Variants in ZNF827 observed in about 807,000 individuals in gnomAD.
The protein encoded by ZNF827 is zinc finger protein 827.
In ZNF827, 13 loss-of-function variants were observed where a neutral mutation model predicts 102.4. The observed-to-expected ratio is 0.13, with a 90% CI of 0.08 to 0.20. The LOEUF (loss-of-function observed/expected upper bound fraction) is 0.20. Ranked by LOEUF, ZNF827 falls within the 10% of genes least tolerant of loss-of-function variation. The pLI is 1.00. For synonymous variants in ZNF827, 523 were observed against 536.2 expected (o/e 0.98, Z 0.34); for missense variants, 1,103 against 1,344.4 (o/e 0.82, Z 2.81).
At chr4:145,820,660 T>A (rs763806714) in intron 8 of ZNF827, among the ~76,000 whole-genome samples, 6 of 152,168 alleles carry the variant, frequency 3.9e-5, no homozygotes, top group Non-Finnish European at 7.4e-5. Flanking sequence ...AGCCAACTCA[T>A]CCTCTGTCTG....
At position 145,775,849 on chromosome 4, in the gene ZNF827, T is replaced by C. The variant is rs1274715536; in HGVS notation, c.2633A>G (p.Asp878Gly). 1 of 1,614,164 alleles carries C rather than the reference T, an allele frequency of 6.2e-7. No individual in the cohort carries two copies. Reference protein sequence around the residue: ...SVKLVSTDTEDIVSAVTSEGS... With the variant: ...SVKLVSTDTEGIVSAVTSEGS... ...TTCAGAGGTGACGGCGCTGACAATG[T>C]CCTCGGTGTCTGTACTCACCAGCTT... The change falls in exon 10 of 15, where the codon GAC (aspartate) becomes GGC (glycine). Residue 878 changes from aspartate to glycine, a missense_variant. Transcript: ENST00000508784.
chr4:145,886,685 G>A (rs535812211), intron 3 of ZNF827, among the ~76,000 whole-genome samples: 14 of 151,540 alleles, frequency 9.2e-5, no homozygotes, highest in African/African-American at 3.4e-4. Context: ...TTCAAAGACA[G>A]AGAAATTGAG....
chr4:145,862,530 A>G (rs565817886), intron 5 of ZNF827, among the ~76,000 whole-genome samples: 1 of 152,308 alleles, frequency 6.6e-6, no homozygotes, highest in South Asian at 2.1e-4. Context: ...GGATATATAT[A>G]TATATATAAA....
At chr4:145,874,843 G>A (rs920194927) in intron 4 of ZNF827, among the ~76,000 whole-genome samples, 61 of 152,134 alleles carry the variant, frequency 4.0e-4, no homozygotes, top group African/African-American at 1.4e-3. Context: ...CCCCTCTCTC[G>A]CTGTTTGTTC....
rs1397618274 is a variant in ZNF827 at position 145,823,513 on chromosome 4, T to C, written c.2292A>G (p.Ser764=). 3.1e-6 allele frequency: 5 copies of C among 1,605,096 alleles called. No individual in the cohort carries two copies. Among genetic ancestry groups the C allele is most frequent in the Non-Finnish European group, 4.2e-6 (5 of 1,178,622 alleles). The change falls in exon 8 of 15, where the codon TCA becomes TCG. Residue 764 remains serine (S), a synonymous_variant. Coordinates refer to ENST00000508784, the MANE Select transcript of ZNF827 (RefSeq NM_001306215.2). ...ATGGTGATTGTCTAAATGTGTCTTCTGAAAAGAAAGGGCTGGGGTGGGGGA... is the reference window on the plus strand; with the variant it reads ...ATGGTGATTGTCTAAATGTGTCTTCCGAAAAGAAAGGGCTGGGGTGGGGGA... ...TIRTTTSPFF[S]EDTFRQSPFT... is the part of the protein sequence containing the mutation.
chr4:145,768,363 C>T (rs921292948), intron 11 of ZNF827, among the ~76,000 whole-genome samples: 10 of 152,114 alleles, frequency 6.6e-5, no homozygotes, highest in African/African-American at 1.9e-4. Context: ...CAGGGTTTCA[C>T]CATGTTGGCC....
At chr4:145,890,594 G>A (rs971605881) in intron 3 of ZNF827, among the ~76,000 whole-genome samples, 2 of 152,146 alleles carry the variant, frequency 1.3e-5, no homozygotes, top group African/African-American at 4.8e-5. Flanking sequence ...TTTTCTGCTC[G>A]CTGAAGCTTT....
At chr4:145,857,682 C>T (rs781698841) in intron 5 of ZNF827, among the ~76,000 whole-genome samples, 3 of 152,180 alleles carry the variant, frequency 2.0e-5, no homozygotes, top group Non-Finnish European at 4.4e-5. Flanking sequence ...GCTGGGAGCT[C>T]AGAGAGATTA....
intron 8 of ZNF827, among the ~76,000 whole-genome samples, chr4:145,782,246 T>C (rs966307889): frequency 6.6e-6 from 1 of 152,196 alleles, no homozygotes; most frequent in Non-Finnish European, 1.5e-5. Context: ...TCCCAGAACA[T>C]GACCTCGAAA....
chr4:145,768,112 C>T (rs1298857406), intron 11 of ZNF827, among the ~76,000 whole-genome samples: 3 of 152,136 alleles, frequency 2.0e-5, no homozygotes, highest in Non-Finnish European at 4.4e-5. Flanking sequence ...GGTTCTTATA[C>T]AACATATGAA....
chr4:145,890,372 C>A (rs968093906), intron 3 of ZNF827, among the ~76,000 whole-genome samples: 1 of 152,144 alleles, frequency 6.6e-6, no homozygotes, highest in Non-Finnish European at 1.5e-5. Context: ...TCTAAGACCC[C>A]ACGACCCACA....
intron 4 of ZNF827, 51 bp from the exon 5 acceptor site, chr4:145,870,529 C>T (rs999838534): frequency 6.7e-7 from 1 of 1,484,486 alleles, no homozygotes; most frequent in Admixed American, 1.7e-5. Flanking sequence ...CACTCCCCTC[C>T]TTAGCTGCCC....
chr4:145,893,123 C>A (rs1406343255), intron 2 of ZNF827, among the ~76,000 whole-genome samples: 2 of 152,170 alleles, frequency 1.3e-5, no homozygotes, highest in Non-Finnish European at 2.9e-5. Flanking sequence ...GGCCTCATTG[C>A]CCACTTTGGG....
intron 8 of ZNF827, among the ~76,000 whole-genome samples, chr4:145,780,885 T>A (rs1329910897): frequency 6.6e-6 from 1 of 152,284 alleles, no homozygotes; most frequent in East Asian, 1.9e-4. Flanking sequence ...GGTAAGAACT[T>A]CTCCTAATCC....
At chr4:145,900,622 A>G (rs2126880560) in intron 2 of ZNF827, among the ~76,000 whole-genome samples, 1 of 151,992 alleles carries the variant, frequency 6.6e-6, no homozygotes, top group African/African-American at 2.4e-5. Flanking sequence ...ATTGGTCAGG[A>G]TGGTCTTGAC....
intron 5 of ZNF827, among the ~76,000 whole-genome samples, chr4:145,853,211 C>T (rs1746709488): frequency 6.6e-6 from 1 of 152,178 alleles, no homozygotes; most frequent in African/African-American, 2.4e-5. Context: ...CTCATTTGGT[C>T]CCCAGGCCAG....
At chr4:145,938,125 G>T (rs867898849) in intron 1 of ZNF827, among the ~76,000 whole-genome samples, 1 of 151,834 alleles carries the variant, frequency 6.6e-6, no homozygotes, top group African/African-American at 2.4e-5. Context: ...GAAAAAAAGG[G>T]GGGGGGTGAG....
chr4:145,886,715 G>C (rs1461943288), intron 3 of ZNF827, among the ~76,000 whole-genome samples: 2 of 150,670 alleles, frequency 1.3e-5, no homozygotes, highest in Non-Finnish European at 2.9e-5. Context: ...TAAATGGATT[G>C]AGCGAAATTA....
At chr4:145,864,420 C>CAAAA (rs34745619) in intron 5 of ZNF827, among the ~76,000 whole-genome samples, 71 of 60,364 alleles carry the variant, frequency 1.2e-3, no homozygotes, top group African/African-American at 1.5e-3. Context: ...CTTGTCTCTA[C>CAAAA]AAAAAAAAAA....
Sources: allele counts gnomAD v4.1 joint callset (sites outside exome capture counted in the v4.1 genomes callset), GRCh38; gene constraint gnomAD v4.1.1; transcripts MANE v1.5; gene names NCBI Gene and HGNC (gene_info 2026-07-23, HGNC 2026-07-21).